TBC1D5: variants seen among roughly 807,000 people sequenced by gnomAD.
TBC1D5 encodes TBC1 domain family member 5.
Under a neutral mutation model 100.3 loss-of-function variants are expected in TBC1D5, and 75 were observed. The ratio of observed to expected loss-of-function variants is 0.75; its 90% CI spans 0.62 to 0.91. The LOEUF (loss-of-function observed/expected upper bound fraction) is 0.91, where lower values mean the gene tolerates loss of function less well. TBC1D5 is among the 40% of genes least tolerant of loss of function. TBC1D5 has a pLI of 0.00. For missense variants in TBC1D5, 910 were observed against 942.4 expected, an observed-to-expected ratio of 0.97 and a Z score of 0.45; for synonymous variants, 323 against 325.6, an observed-to-expected ratio of 0.99 and a Z score of 0.09.
intron 2 of TBC1D5, among the ~76,000 whole-genome samples, chr3:17,555,549 T>C (rs1360161336): frequency 6.6e-6 from 1 of 152,154 alleles, no homozygotes; most frequent in Non-Finnish European, 1.5e-5. Flanking sequence ...TTAAAAGGTA[T>C]TGGACTCCCA....
chr3:17,476,676 C>A (rs1249866121), intron 3 of TBC1D5, among the ~76,000 whole-genome samples: 3 of 151,854 alleles, frequency 2.0e-5, no homozygotes, highest in Admixed American at 6.6e-5. Flanking sequence ...ATCTATAGAT[C>A]AATTTGGGGA....
chr3:17,527,167 C>A (rs966428717), intron 2 of TBC1D5, among the ~76,000 whole-genome samples: 2 of 152,022 alleles, frequency 1.3e-5, no homozygotes, highest in Non-Finnish European at 2.9e-5. Context: ...TGTAAAGAGG[C>A]CTAGGGATAG....
At chr3:17,628,186 T>A (rs1355275011) in intron 1 of TBC1D5, among the ~76,000 whole-genome samples, 1 of 152,004 alleles carries the variant, frequency 6.6e-6, no homozygotes, top group East Asian at 1.9e-4. Context: ...CTGGCCAACA[T>A]GGCGAAACCC....
At chr3:17,712,492 T>C (rs1432599930) in intron 1 of TBC1D5, among the ~76,000 whole-genome samples, 3 of 152,224 alleles carry the variant, frequency 2.0e-5, no homozygotes, top group Non-Finnish European at 4.4e-5. Context: ...CAGTTTTACA[T>C]GTATTTCTAG....
intron 17 of TBC1D5, among the ~76,000 whole-genome samples, chr3:17,235,795 C>T (rs1036183015): frequency 2.6e-5 from 4 of 152,136 alleles, no homozygotes; most frequent in Non-Finnish European, 5.9e-5. Flanking sequence ...TATCTTCTAT[C>T]GTCTACTTCC....
intron 1 of TBC1D5, among the ~76,000 whole-genome samples, chr3:17,652,519 A>G (rs1051283929): frequency 4.6e-5 from 7 of 152,226 alleles, no homozygotes; most frequent in Non-Finnish European, 1.0e-4. Context: ...GACAAAATGC[A>G]TATAACTTAA....
chr3:17,473,597 C>T (rs1166095796), intron 3 of TBC1D5, among the ~76,000 whole-genome samples: 1 of 152,158 alleles, frequency 6.6e-6, no homozygotes, highest in Non-Finnish European at 1.5e-5. Context: ...TTGAAGGTGG[C>T]TCTGTGGATC....
intron 14 of TBC1D5, 90 bp downstream of exon 14, chr3:17,307,902 A>C: frequency 6.6e-7 from 1 of 1,518,800 alleles, no homozygotes; most frequent in Non-Finnish European, 8.8e-7. Flanking sequence ...TGCAAATCAA[A>C]TAATAAAACA....
rs1459017349 is a variant in TBC1D5, at chr3:17,510,350, C to T, written c.-35-1745G>A. The stretch of plus-strand genomic sequence containing the variant: ...GTCTCCAAAACCCCCTACATCCACA[C>T]AATCACAGTCAGACGTTAATAAAAC... On this transcript the variant is annotated intron_variant, in intron 2 of 21. Transcript: ENST00000253692. 2.6e-5 allele frequency among the ~76,000 whole-genome samples: 4 copies of T among 151,302 alleles called. No individual in the cohort carries two copies. The South Asian group carries it at 8.3e-4, about 31-fold the overall frequency.
intron 1 of TBC1D5, among the ~76,000 whole-genome samples, chr3:17,645,884 T>C (rs1359937898): frequency 1.3e-5 from 2 of 152,078 alleles, no homozygotes; most frequent in Non-Finnish European, 2.9e-5. Context: ...TGACAACTCA[T>C]GTCTCTCTTT....
At chr3:17,326,690 G>T (rs2086191227) in intron 13 of TBC1D5, among the ~76,000 whole-genome samples, 1 of 152,110 alleles carries the variant, frequency 6.6e-6, no homozygotes, top group South Asian at 2.1e-4. Context: ...CCCAGGTTGG[G>T]CTTGAACTCC....
intron 18 of TBC1D5, among the ~76,000 whole-genome samples, 173 bp downstream of exon 19, chr3:17,214,034 G>C (rs1358657039): frequency 6.7e-6 from 1 of 150,326 alleles, no homozygotes; most frequent in African/African-American, 2.4e-5. Flanking sequence ...ATAGGCTACA[G>C]CCTTAAAATA....
chr3:17,628,574 G>A (rs771606324), intron 1 of TBC1D5, among the ~76,000 whole-genome samples: 10 of 151,988 alleles, frequency 6.6e-5, no homozygotes, highest in East Asian at 1.9e-4. Flanking sequence ...TTAGAAAAAC[G>A]TTTTCCAGAG....
intron 2 of TBC1D5, among the ~76,000 whole-genome samples, chr3:17,538,858 G>A (rs2096314853): frequency 6.6e-6 from 1 of 152,164 alleles, no homozygotes; most frequent in African/African-American, 2.4e-5. Flanking sequence ...GGCCAACAAT[G>A]CAAAATCCTA....
At chr3:17,568,934 G>C (rs536174011) in intron 2 of TBC1D5, among the ~76,000 whole-genome samples, 5 of 151,634 alleles carry the variant, frequency 3.3e-5, no homozygotes, top group African/African-American at 1.2e-4. Context: ...AAAAGTCACG[G>C]ATCTGCCCTG....
At position 17,379,765 on chromosome 3, in the gene TBC1D5, A is replaced by G. The variant is rs1427489955; in HGVS notation, c.613-3152T>C. Among the ~76,000 whole-genome samples, 3 of 152,076 alleles carry G rather than the reference A, an allele frequency of 2.0e-5. 1 individual carries two copies. Among genetic ancestry groups the G allele is most frequent in the Non-Finnish European group, 4.4e-5 (3 of 67,994 alleles). On this transcript the variant is annotated intron_variant, in intron 9 of 21. Transcript: ENST00000253692. Reference sequence around the variant, plus strand: ...ACACCTGTATGACAAAGGTATTAAAATTATGATTTAAATTAAAGATTATAA... The same window carrying G: ...ACACCTGTATGACAAAGGTATTAAAGTTATGATTTAAATTAAAGATTATAA...
At chr3:17,610,391 T>G (rs140736833) in intron 2 of TBC1D5, among the ~76,000 whole-genome samples, 3 of 152,310 alleles carry the variant, frequency 2.0e-5, no homozygotes, top group Middle Eastern at 3.4e-3. Context: ...TTCACCATGC[T>G]GACCAGGCTA....
At chr3:17,517,232 G>T (rs1197894553) in intron 2 of TBC1D5, among the ~76,000 whole-genome samples, 1 of 152,100 alleles carries the variant, frequency 6.6e-6, no homozygotes, top group Non-Finnish European at 1.5e-5. Flanking sequence ...TGAAATCTGT[G>T]TATTTTACTC....
chr3:17,161,169 T>G (rs1052364694), exon 22 of TBC1D5: 2 of 1,614,118 alleles, frequency 1.2e-6, no homozygotes. Flanking sequence ...AAGGAGCCCC[T>G]GGCACTGCTC....
Sources: gnomAD v4.1 joint callset for allele counts (sites outside exome capture counted in the v4.1 genomes callset) on GRCh38, gnomAD v4.1.1 for gene constraint, MANE v1.5 for transcripts, NCBI Gene and HGNC (gene_info 2026-07-23, HGNC 2026-07-21) for gene names.